The following CCDC127 variants were observed in gnomAD, a reference collection of about 807,000 sequenced individuals.
CCDC127 encodes coiled-coil domain-containing protein 127.
Under a neutral mutation model 4.1 loss-of-function variants are expected in CCDC127, and 2 were observed. The observed-to-expected ratio is 0.49, with a 90% CI of 0.20 to 1.53. CCDC127 has a LOEUF of 1.53. Ranked by LOEUF, CCDC127 falls within the 40% of genes most tolerant of loss-of-function variation. The pLI, the probability that CCDC127 is intolerant of heterozygous loss-of-function variation, is 0.23. For missense variants in CCDC127, 271 were observed against 322.9 expected, an observed-to-expected ratio of 0.84 and a Z score of 1.23; for synonymous variants, 98 against 120.4, an observed-to-expected ratio of 0.81 and a Z score of 1.22.
In CCDC127 at chr5:197,879, T is replaced by C. The variant is rs1457052233; in HGVS notation, c.*7418A>G. 1 of 29,478 alleles carries C rather than the reference T, an allele frequency of 3.4e-5. No individual in the cohort carries two copies. The highest frequency in any genetic ancestry group is 1.2e-3 in the South Asian group (1 of 810). The allele number at this position is 29,478 out of a possible 1,614,324, so 1.8% of individuals were successfully genotyped here. ...TGTGTCCCCACCCCAGGGGCCCCCATGTCACCCCACTCCAGGTGTGCCCCC... is the reference window on the plus strand; with the variant it reads ...TGTGTCCCCACCCCAGGGGCCCCCACGTCACCCCACTCCAGGTGTGCCCCC... On this transcript the variant is annotated 3_prime_UTR_variant, in exon 3 of 3. Coordinates refer to ENST00000296824, the MANE Select transcript of CCDC127 (RefSeq NM_145265.3).
In CCDC127 at chr5:205,336, C is replaced by T. The variant is rs755858676; in HGVS notation, c.744G>A (p.Lys248=). 4 of 1,613,642 alleles carry T rather than the reference C, an allele frequency of 2.5e-6. No homozygotes were observed. The South Asian group carries it at 4.4e-5, about 18-fold the overall frequency. ...LKYWELVVEL[K]KFKRVEEAIL... ...TGGCTTCCTCTACTCTCTTAAACTTCTTCAGTTCGACAACGAGTTCCCAGT... is the reference window on the plus strand; with the variant it reads ...TGGCTTCCTCTACTCTCTTAAACTTTTTCAGTTCGACAACGAGTTCCCAGT... Residue 248 remains lysine, a synonymous_variant, in exon 3 of 3, where the codon AAG becomes AAA. Transcript: ENST00000296824.
At position 198,240 on chromosome 5, in the gene CCDC127, C is replaced by G. The variant is rs1288717181; in HGVS notation, c.*7057G>C. The G allele has an allele frequency of 2.0e-5, 3 of 152,308 alleles. No homozygotes were observed. The highest frequency in any genetic ancestry group is 2.9e-5 in the Non-Finnish European group (2 of 68,076). The allele number at this position is 152,308 out of a possible 1,614,324, so 9.4% of individuals were successfully genotyped here. Reference sequence around the variant, plus strand: ...TGCAACCACCTAAGTGCTCTCTGCACACTGCAGGCAGTGCCTTACTGGAGC... The same window carrying G: ...TGCAACCACCTAAGTGCTCTCTGCAGACTGCAGGCAGTGCCTTACTGGAGC... On this transcript the variant is annotated 3_prime_UTR_variant, in exon 3 of 3. Transcript: ENST00000296824.
chr5:206,252 A>G (rs977081817), intron 2 of CCDC127, among the ~76,000 whole-genome samples: 6 of 99,110 alleles, frequency 6.1e-5, no homozygotes, highest in African/African-American at 3.3e-4. Context: ...TACAATTGGC[A>G]AAGTTTAAAA....
intron 2 of CCDC127, chr5:213,893 A>G (rs1171618904): frequency 1.3e-5 from 2 of 152,248 alleles, no homozygotes; most frequent in Admixed American, 1.3e-4. Context: ...AACCTACACA[A>G]GAATGTTTAT....
In CCDC127 at chr5:198,209, C is replaced by T. The variant is rs1456698036; in HGVS notation, c.*7088G>A. On this transcript the variant is annotated 3_prime_UTR_variant, in exon 3 of 3. Coordinates refer to ENST00000296824, the MANE Select transcript of CCDC127 (RefSeq NM_145265.3). Reference sequence around the variant, plus strand: ...TTCCACTCCCCACATTCGTCTCTGCCTGCTCTGCAACCACCTAAGTGCTCT... The same window carrying T: ...TTCCACTCCCCACATTCGTCTCTGCTTGCTCTGCAACCACCTAAGTGCTCT... 1 of 152,340 alleles carries T rather than the reference C, an allele frequency of 6.6e-6. No individual in the cohort carries two copies. Among genetic ancestry groups the T allele is most frequent in the Admixed American group, 6.5e-5 (1 of 15,292 alleles). 9.4% of individuals were successfully genotyped at this position (152,340 alleles called of 1,614,324 possible).
intron 2 of CCDC127, 120 bp from the exon 3 acceptor site, chr5:206,078 G>A: frequency 2.3e-6 from 2 of 859,320 alleles, no homozygotes; most frequent in Middle Eastern, 2.9e-4. Flanking sequence ...GACCTCGGCT[G>A]TACCAAGAAG....
rs56909416 is a variant in CCDC127, at chr5:203,036, G to C, written c.*2261C>G. On this transcript the variant is annotated 3_prime_UTR_variant, in exon 3 of 3. Transcript: ENST00000296824. ...GTGGATCACCTGAGGTCAGCAGTTC[G>C]AGACCAGCCTGGCCAACATGGTGAA... The C allele has an allele frequency of 0.13, 20,119 of 152,150 alleles. 1,418 individuals carry two copies. Among genetic ancestry groups the C allele is most frequent in the Admixed American group, 0.17 (2,627 of 15,282 alleles). The allele number at this position is 152,150 out of a possible 1,614,324, so 9.4% of individuals were successfully genotyped here. A position where few individuals can be genotyped will look rare whatever the true frequency, so the allele number is the denominator to read the frequency against.
chr5:213,869 T>G (rs1439352844), intron 2 of CCDC127: 1 of 152,206 alleles, frequency 6.6e-6, no homozygotes, highest in Non-Finnish European at 1.5e-5. Context: ...AATGAAAACT[T>G]ACATCGACAC....
chr5:215,992 T>G (rs1734372962), intron 2 of CCDC127: 1 of 151,678 alleles, frequency 6.6e-6, no homozygotes, highest in African/African-American at 2.4e-5. Context: ...CAAGCAGAGA[T>G]TTCATGGATG....
rs986347935 is a variant in CCDC127 at position 197,351 on chromosome 5, T to A, written c.*7946A>T. The A allele has an allele frequency of 6.6e-6, 1 of 152,228 alleles. No homozygotes were observed. 9.4% of individuals were successfully genotyped at this position (152,228 alleles called of 1,614,324 possible). On this transcript the variant is annotated 3_prime_UTR_variant, in exon 3 of 3. Coordinates refer to ENST00000296824, the MANE Select transcript of CCDC127 (RefSeq NM_145265.3). ...CTAACCCATGTCAGCACAGACCCTT[T>A]ACGGGTGTCGGGCTGGGGGACGGTC...
rs1734085863 is a variant in CCDC127 at position 202,136 on chromosome 5, A to T, written c.*3161T>A. 1 of 152,302 alleles carries T rather than the reference A, an allele frequency of 6.6e-6. No homozygotes were observed. Among genetic ancestry groups the T allele is most frequent in the Non-Finnish European group, 1.5e-5 (1 of 68,062 alleles). 9.4% of individuals were successfully genotyped at this position (152,302 alleles called of 1,614,324 possible). A position where few individuals can be genotyped will look rare whatever the true frequency, so the allele number is the denominator to read the frequency against. ...TTCCACTGTGGGCTCACCTTTCGGT[A>T]CATGTGTGGAGTTACCAAATGGCAC... On this transcript the variant is annotated 3_prime_UTR_variant, in exon 3 of 3. Coordinates refer to ENST00000296824, the MANE Select transcript of CCDC127 (RefSeq NM_145265.3).
chr5:207,769 C>G (rs1436253243), intron 2 of CCDC127, among the ~76,000 whole-genome samples: 1 of 152,020 alleles, frequency 6.6e-6, no homozygotes. Flanking sequence ...TAAGAGCATC[C>G]AGGAGGTGTG....
intron 2 of CCDC127, among the ~76,000 whole-genome samples, chr5:210,575 G>A (rs1223495258): frequency 1.3e-5 from 2 of 152,128 alleles, no homozygotes; most frequent in Non-Finnish European, 2.9e-5. Flanking sequence ...GATGAGAAAA[G>A]ATGCTCAACA....
chr5:211,824 TGA>T (rs368073268), intron 2 of CCDC127, among the ~76,000 whole-genome samples: 1 of 4,108 alleles, frequency 2.4e-4, no homozygotes. Flanking sequence ...GTGAGCACGC[TGA>T]GATGCTCGAC....
rs1327933576 is a variant in CCDC127, at chr5:202,763, G to A, written c.*2534C>T. ...GCCTCGAAAATCATTCACCTACAAA[G>A]CAGCTGACTGTGTTTTCTTCATTTA... On this transcript the variant is annotated 3_prime_UTR_variant, in exon 3 of 3. Transcript: ENST00000296824. 3.3e-5 allele frequency: 5 copies of A among 152,034 alleles called. No homozygotes were observed. The highest frequency in any genetic ancestry group is 7.3e-5 in the Non-Finnish European group (5 of 68,056). 9.4% of individuals were successfully genotyped at this position (152,034 alleles called of 1,614,324 possible).
chr5:210,543 C>T (rs1425825445), intron 2 of CCDC127, among the ~76,000 whole-genome samples: 2 of 152,204 alleles, frequency 1.3e-5, no homozygotes, highest in Non-Finnish European at 2.9e-5. Context: ...AAGAGGTGCT[C>T]GACATCACAC....
intron 1 of CCDC127, chr5:217,091 A>G: frequency 2.7e-6 from 1 of 364,178 alleles, no homozygotes; most frequent in South Asian, 3.5e-5. Context: ...AGGTCGCGCC[A>G]CTGCACTCCA....
chr5:205,444 T>A lies in CCDC127; in HGVS notation c.636A>T (p.Ile212=), dbSNP rs764768045. The change falls in exon 3 of 3, where the codon ATA becomes ATT. Residue 212 remains isoleucine (I), a synonymous_variant. Transcript: ENST00000296824. ...DLEMAAGLTD[I]FQHDTYCGDV... is the part of the protein sequence containing the mutation. ...CACCACAGTATGTATCATGCTGAAA[T>A]ATGTCGGTGAGACCGGCTGCCATCT... The A allele has an allele frequency of 6.2e-7, 1 of 1,614,178 alleles. No individual in the cohort carries two copies. Among genetic ancestry groups the A allele is most frequent in the Admixed American group, 1.7e-5 (1 of 60,020 alleles).
chr5:208,722 A>C (rs149932277), intron 2 of CCDC127, among the ~76,000 whole-genome samples: 1 of 152,328 alleles, frequency 6.6e-6, no homozygotes, highest in African/African-American at 2.4e-5. Flanking sequence ...TTCCATCCTC[A>C]CCTGGCAGTA....
Sources: allele counts gnomAD v4.1 joint callset (sites outside exome capture counted in the v4.1 genomes callset), GRCh38; gene constraint gnomAD v4.1.1; transcripts MANE v1.5; gene names NCBI Gene and HGNC (gene_info 2026-07-23, HGNC 2026-07-21).